ASMTL: variants seen among roughly 807,000 people sequenced by gnomAD.
ASMTL encodes the protein probable bifunctional dTTP/UTP pyrophosphatase/methyltransferase protein.
ASMTL carries 57 observed loss-of-function variants against 60.3 expected under a neutral mutation model. The ratio of observed to expected loss-of-function variants is 0.95; its 90% confidence interval spans 0.76 to 1.18. ASMTL has a LOEUF of 1.18. ASMTL is among the 50% of genes most tolerant of loss of function. The pLI, the probability that ASMTL is intolerant of heterozygous loss-of-function variation, is 0.00. For synonymous variants in ASMTL, 419 were observed against 373.0 expected (o/e 1.12, Z -1.42); for missense variants, 981 against 852.6 (o/e 1.15, Z -1.88).
chrX:1,425,685 GC>G lies in ASMTL; in HGVS notation c.899del (p.Gly300AlafsTer8), dbSNP rs1441411336. The G allele has an allele frequency of 6.2e-7, 1 of 1,613,036 alleles. No homozygotes were observed. Among genetic ancestry groups the G allele is most frequent in the Admixed American group, 1.7e-5 (1 of 59,940 alleles). On this transcript the variant is annotated frameshift_variant and splice_region_variant, in exon 8 of 13. Coordinates refer to ENST00000381317, the MANE Select transcript of ASMTL (RefSeq NM_004192.4). LOFTEE classifies it high-confidence loss of function. ...ELIEGFMLSK[G>X]LLTACKLKVF... ...CCTTCAGTTTGCAAGCGGTGAGCAG[GC>G]CCTGTTAAAAGCAAGTGCAGAGAGA...
chrX:1,403,576 G>C, intron 12 of ASMTL, 87 bp from the exon 13 acceptor site: 1 of 1,257,212 alleles, frequency 8.0e-7, no homozygotes, highest in South Asian at 1.2e-5. Flanking sequence ...GGCAACAGGA[G>C]CTCAGAACGG....
intron 2 of ASMTL, among the ~76,000 whole-genome samples, chrX:1,440,641 T>G (rs1475895097): frequency 1.3e-5 from 2 of 152,170 alleles, no homozygotes. Flanking sequence ...TTAATTATAA[T>G]AGTGTATTAC....
In ASMTL at chrX:1,447,084, C is replaced by T. The variant is rs192819570; in HGVS notation, c.94-4767G>A. ...GTGAACTAAAAGCTAGATGTTTCAA[C>T]GGGTGCTGCTTGGAAGGCCCCTAAA... On this transcript the variant is annotated intron_variant, in intron 1 of 12. Transcript: ENST00000381317. 1.4e-3 allele frequency among the ~76,000 whole-genome samples: 216 copies of T among 152,270 alleles called. 1 individual carries two copies. Among genetic ancestry groups the T allele is most frequent in the Admixed American group, 2.3e-3 (35 of 15,298 alleles).
chrX:1,421,870 C>G, intron 8 of ASMTL, 28 bp from the exon 9 acceptor site: 1 of 1,610,770 alleles, frequency 6.2e-7, no homozygotes, highest in East Asian at 2.2e-5. Context: ...GTCGTGTGAC[C>G]TCCTAACGAG....
At chrX:1,415,568 C>T (rs1246282099) in intron 11 of ASMTL, among the ~76,000 whole-genome samples, 4 of 151,286 alleles carry the variant, frequency 2.6e-5, no homozygotes, top group African/African-American at 9.7e-5. Context: ...CAGGTTCAAG[C>T]GATTTTCCTG....
chrX:1,406,505 G>A lies in ASMTL; in HGVS notation c.1646-3016C>T, dbSNP rs73179000. Among the ~76,000 whole-genome samples the A allele has an allele frequency of 2.1e-3, 321 of 151,572 alleles. 1 individual carries two copies. Among genetic ancestry groups the A allele is most frequent in the Non-Finnish European group, 3.7e-3 (251 of 67,876 alleles). On this transcript the variant is annotated intron_variant, in intron 12 of 12. Transcript: ENST00000381317. Reference sequence around the variant, plus strand: ...TGAGTGGATGGATAGATGGATGTATGGATGTGATGGATGCTTGAATAGATG... The same window carrying A: ...TGAGTGGATGGATAGATGGATGTATAGATGTGATGGATGCTTGAATAGATG...
rs773858052 is a variant in ASMTL, at chrX:1,435,727, A to C, written c.305T>G (p.Val102Gly). The change falls in exon 4 of 13, where the codon GTG becomes GGG. Residue 102 changes from valine to glycine, a missense_variant. Transcript: ENST00000381317. Reference sequence around the variant, plus strand: ...CATCCTGTAGGCGTCCTGCTTGTCCACCGGCTTCTCCAGAATCAGCCCCCC... The same window carrying C: ...CATCCTGTAGGCGTCCTGCTTGTCCCCCGGCTTCTCCAGAATCAGCCCCCC... ...TVGGLILEKPVDKQDAYRMLS... is the reference protein window; with the variant it reads ...TVGGLILEKPGDKQDAYRMLS... The C allele has an allele frequency of 6.2e-7, 1 of 1,613,442 alleles. No homozygotes were observed. The highest frequency in any genetic ancestry group is 2.2e-5 in the East Asian group (1 of 44,866).
intron 3 of ASMTL, among the ~76,000 whole-genome samples, chrX:1,436,684 C>G (rs1429198336): frequency 6.6e-6 from 1 of 152,200 alleles, no homozygotes; most frequent in East Asian, 1.9e-4. Context: ...GCATAATATT[C>G]CACTGTGTGT....
At chrX:1,432,074 T>G in intron 6 of ASMTL, 195 bp downstream of exon 6, 1 of 605,254 alleles carries the variant, frequency 1.7e-6, no homozygotes, top group Non-Finnish European at 2.9e-6. Flanking sequence ...TCCTGGGAGT[T>G]TGCCTCTTTG....
chrX:1,428,714 T>A lies in ASMTL; in HGVS notation c.510-593A>T, dbSNP rs1347038923. Among the ~76,000 whole-genome samples, 40 of 148,164 alleles carry A rather than the reference T, an allele frequency of 2.7e-4. 2 individuals are homozygous for A. Among genetic ancestry groups the A allele is most frequent in the African/African-American group, 8.0e-4 (32 of 39,946 alleles). On this transcript the variant is annotated intron_variant, in intron 6 of 12. Transcript: ENST00000381317. ...ATGTTTTGACATATGTATACATGCGTCATCATTAAATCAAGCCAATTATCC... is the reference window on the plus strand; with the variant it reads ...ATGTTTTGACATATGTATACATGCGACATCATTAAATCAAGCCAATTATCC...
intron 12 of ASMTL, among the ~76,000 whole-genome samples, chrX:1,407,034 A>G (rs1256903831): frequency 1.1e-4 from 13 of 115,822 alleles, no homozygotes; most frequent in African/African-American, 3.9e-4. Context: ...ATGGTAGATG[A>G]TGGGTAGGTA....
At chrX:1,436,915 T>C (rs1283106483) in intron 3 of ASMTL, among the ~76,000 whole-genome samples, 1 of 152,184 alleles carries the variant, frequency 6.6e-6, no homozygotes, top group African/African-American at 2.4e-5. Flanking sequence ...ACTACAGACA[T>C]TGATTCTCCC....
chrX:1,403,465 G>A lies in ASMTL; in HGVS notation c.1670C>T (p.Thr557Met), dbSNP rs377119811. The change falls in exon 13 of 13, where the codon ACG becomes ATG. Residue 557 changes from threonine to methionine, a missense_variant. By Grantham distance (81) the Thr-to-Met change is moderately conservative (BLOSUM62 -1). Transcript: ENST00000381317. ...CACCCTCTTCTCCTCATCCAGGAGC[G>A]TCTCCACCAGCAGCAGGCCGGCCCC... ...KPGAGLLLVE[T>M]LLDEEKRVAQ... The A allele has an allele frequency of 5.6e-5, 90 of 1,612,918 alleles. No homozygotes were observed. The highest frequency in any genetic ancestry group is 3.1e-4 in the African/African-American group (23 of 74,942).
At position 1,452,886 on chromosome X, in the gene ASMTL, C is replaced by G; in HGVS notation, c.-46G>C. 3 of 1,410,930 alleles carry G rather than the reference C, an allele frequency of 2.1e-6. No individual in the cohort carries two copies. Among genetic ancestry groups the G allele is most frequent in the Non-Finnish European group, 1.9e-6 (2 of 1,058,852 alleles). The allele number at this position is 1,410,930 out of a possible 1,614,324, so 87.4% of individuals were successfully genotyped here. A position where few individuals can be genotyped will look rare whatever the true frequency, so the allele number is the denominator to read the frequency against. On this transcript the variant is annotated 5_prime_UTR_variant, in exon 1 of 13. Transcript: ENST00000381317. ...GGCGTCCGCACTTCTGAGCCCGGAG[C>G]CCGCGGTGCGCGCAGCGCGGCTGCA...
chrX:1,442,037 AT>A (rs1569534627), intron 2 of ASMTL, 148 bp downstream of exon 2: 2 of 837,654 alleles, frequency 2.4e-6, no homozygotes, highest in Non-Finnish European at 3.9e-6. Flanking sequence ...GCAATAGTGC[AT>A]TACATTATAA....
intron 8 of ASMTL, among the ~76,000 whole-genome samples, chrX:1,423,641 A>G (rs1719080595): frequency 6.8e-6 from 1 of 147,364 alleles, no homozygotes; most frequent in South Asian, 2.2e-4. Context: ...TCACTCATCT[A>G]TGCATTCCCC....
At chrX:1,435,830 A>G (rs1382894318) in intron 3 of ASMTL, 72 bp from the exon 4 acceptor site, 1 of 1,295,122 alleles carries the variant, frequency 7.7e-7, no homozygotes, top group East Asian at 2.3e-5. Flanking sequence ...CCACGGTCCC[A>G]TTCGCAGAAG....
upstream of ASMTL, chrX:1,453,706 G>A (rs2091450504): frequency 6.6e-6 from 1 of 151,708 alleles, no homozygotes; most frequent in Non-Finnish European, 1.5e-5. Context: ...CGCGGACCCG[G>A]TGCGAGTGGC....
At position 1,438,477 on chromosome X, in the gene ASMTL, C is replaced by T. The variant is rs545106134; in HGVS notation, c.273+620G>A. 6.6e-5 allele frequency among the ~76,000 whole-genome samples: 10 copies of T among 152,290 alleles called. 1 individual carries two copies. Among genetic ancestry groups the T allele is most frequent in the African/African-American group, 2.2e-4 (9 of 41,566 alleles). ...CTCTGGAAGGAAGAAACCCTACAGA[C>T]ACCGTGATTTGTGGTTGCTGGCCTC... On this transcript the variant is annotated intron_variant, in intron 3 of 12. Coordinates refer to ENST00000381317, the MANE Select transcript of ASMTL (RefSeq NM_004192.4).
Sources: gnomAD v4.1 joint callset for allele counts (sites outside exome capture counted in the v4.1 genomes callset) on GRCh38, gnomAD v4.1.1 for gene constraint, MANE v1.5 for transcripts, NCBI Gene and HGNC (gene_info 2026-07-23, HGNC 2026-07-21) for gene names.